Variants in PIK3C2A observed in about 807,000 individuals in gnomAD.
The protein encoded by PIK3C2A is phosphatidylinositol-4-phosphate 3-kinase catalytic subunit type 2 alpha.
A neutral mutation model predicts 204.5 loss-of-function variants in PIK3C2A; 97 were observed. The ratio of observed to expected loss-of-function variants is 0.47; its 90% CI spans 0.40 to 0.56. The LOEUF (loss-of-function observed/expected upper bound fraction) is 0.56, where lower values mean the gene tolerates loss of function less well. Ranked by LOEUF, PIK3C2A falls within the 20% of genes least tolerant of loss-of-function variation. PIK3C2A has a pLI of 0.00. For missense variants in PIK3C2A, 1,735 were observed against 1,969.2 expected, an observed-to-expected ratio of 0.88 and a Z score of 2.25; for synonymous variants, 653 against 664.4, an observed-to-expected ratio of 0.98 and a Z score of 0.26.
chr11:17,154,084 CGTGTGT>C (rs148115451), intron 3 of PIK3C2A, among the ~76,000 whole-genome samples: 1 of 150,864 alleles, frequency 6.6e-6, no homozygotes, highest in Non-Finnish European at 1.5e-5. Context: ...TAAGTGTGTG[CGTGTGT>C]GTGTGTGTGT....
intron 1 of PIK3C2A, among the ~76,000 whole-genome samples, chr11:17,198,254 T>C (rs1852231858): frequency 6.6e-6 from 1 of 151,790 alleles, no homozygotes; most frequent in South Asian, 2.1e-4. Context: ...GGATTACAGG[T>C]GCCCGCCACC....
At chr11:17,145,353 C>T (rs1004767426) in intron 8 of PIK3C2A, among the ~76,000 whole-genome samples, 18 of 151,892 alleles carry the variant, frequency 1.2e-4, no homozygotes, top group African/African-American at 4.4e-4. Flanking sequence ...GGGGTGGTTT[C>T]CCCCATGCTG....
intron 22 of PIK3C2A, among the ~76,000 whole-genome samples, chr11:17,106,149 T>C (rs555210326): frequency 3.4e-5 from 5 of 146,966 alleles, no homozygotes; most frequent in South Asian, 2.2e-4. Flanking sequence ...TGGTGGCTCA[T>C]ACCTGTAATT....
rs897203549 is a variant in PIK3C2A at position 17,087,776 on chromosome 11, G to A, written c.*1962C>T. On this transcript the variant is annotated 3_prime_UTR_variant, in exon 33 of 33. Transcript: ENST00000691414. ...CTTTAAGGAAATGTTAATGATCTGTGGAAAAAGCAAATGGTGGTGCTTTGA... is the reference window on the plus strand; with the variant it reads ...CTTTAAGGAAATGTTAATGATCTGTAGAAAAAGCAAATGGTGGTGCTTTGA... 2 of 152,058 alleles carry A rather than the reference G, an allele frequency of 1.3e-5. No individual in the cohort carries two copies. The highest frequency in any genetic ancestry group is 2.4e-5 in the African/African-American group (1 of 41,402). The allele number at this position is 152,058 out of a possible 1,614,324, so 9.4% of individuals were successfully genotyped here.
At chr11:17,147,808 AAAAG>A in intron 5 of PIK3C2A, among the ~76,000 whole-genome samples, 180 bp from the exon 6 acceptor site, 1 of 152,336 alleles carries the variant, frequency 6.6e-6, no homozygotes, top group Admixed American at 6.5e-5. Flanking sequence ...GTCAATGTAA[AAAAG>A]AAAGAAGATG....
chr11:17,150,708 G>A (rs1212737982), intron 3 of PIK3C2A, 53 bp from the exon 4 acceptor site: 3 of 1,381,746 alleles, frequency 2.2e-6, no homozygotes, highest in Non-Finnish European at 3.0e-6. Context: ...CTTCATTTGA[G>A]GGCTCTGAAC....
Position 17,169,567 on chromosome 11 carries a change from T to G in PIK3C2A, c.175A>C (p.Ser59Arg). ...ACCTGTGCTTTTTTTCTGGTGCTGCTTGACAACTCAAAGCCTCTCTGATTG... is the reference window on the plus strand; with the variant it reads ...ACCTGTGCTTTTTTTCTGGTGCTGCGTGACAACTCAAAGCCTCTCTGATTG... ...TDNQRGFELS[S>R]STRKKAQVYN... Residue 59 changes from serine to arginine, a missense_variant, in exon 2 of 33, where the codon AGC becomes CGC. By Grantham distance (110) the Ser-to-Arg change is moderately radical (BLOSUM62 -1). Coordinates refer to ENST00000691414, the MANE Select transcript of PIK3C2A (RefSeq NM_002645.4). 11 of 1,614,188 alleles carry G rather than the reference T, an allele frequency of 6.8e-6. No homozygotes were observed. The highest frequency in any genetic ancestry group is 9.3e-6 in the Non-Finnish European group (11 of 1,180,026).
intron 20 of PIK3C2A, 45 bp from the exon 21 acceptor site, chr11:17,112,711 G>T (rs762829470): frequency 7.8e-6 from 8 of 1,030,948 alleles, no homozygotes; most frequent in Non-Finnish European, 1.1e-5. Context: ...AATGAAAATG[G>T]ATTTAGAATT....
chr11:17,167,850 A>G (rs927677823), intron 2 of PIK3C2A, among the ~76,000 whole-genome samples: 1 of 152,188 alleles, frequency 6.6e-6, no homozygotes, highest in African/African-American at 2.4e-5. Context: ...CTGCAATGGT[A>G]ATATTTCATT....
In PIK3C2A at chr11:17,134,802, C is replaced by CT; in HGVS notation, c.2108+16dup. ...AGGTGCAAGCCACCATGCCTGGCTG[C>CT]TTAAACAGTTACTTACTTTGATACC... On this transcript the variant is annotated intron_variant, in intron 11 of 32. Transcript: ENST00000691414. 1 of 1,588,480 alleles carries CT rather than the reference C, an allele frequency of 6.3e-7. No homozygotes were observed. Among genetic ancestry groups the CT allele is most frequent in the East Asian group, 2.2e-5 (1 of 44,788 alleles).
chr11:17,121,865 T>C (rs1354558316), intron 15 of PIK3C2A, among the ~76,000 whole-genome samples: 1 of 152,026 alleles, frequency 6.6e-6, no homozygotes, highest in South Asian at 2.1e-4. Context: ...AATCTCTTGA[T>C]ATGTATTGTA....
chr11:17,111,951 A>G (rs887952746), intron 21 of PIK3C2A, among the ~76,000 whole-genome samples: 1 of 151,734 alleles, frequency 6.6e-6, no homozygotes, highest in East Asian at 1.9e-4. Context: ...TTCAAAACAG[A>G]TATTACTGGT....
intron 4 of PIK3C2A, 74 bp from the exon 5 acceptor site, chr11:17,148,861 G>C: frequency 1.6e-6 from 2 of 1,241,782 alleles, no homozygotes; most frequent in South Asian, 2.8e-5. Flanking sequence ...TATAATTTAA[G>C]ACAGCAGTAT....
At chr11:17,195,875 TA>T (rs1214903198) in intron 1 of PIK3C2A, among the ~76,000 whole-genome samples, 3 of 150,708 alleles carry the variant, frequency 2.0e-5, no homozygotes, top group Admixed American at 2.0e-4. Context: ...CCATCTTGAA[TA>T]AAAATACAAA....
chr11:17,112,781 A>AT (rs1849042454), intron 20 of PIK3C2A, 115 bp from the exon 21 acceptor site: 1 of 472,054 alleles, frequency 2.1e-6, no homozygotes, highest in Non-Finnish European at 3.8e-6. Context: ...TTTTAGATTT[A>AT]TTTTTTATTT....
intron 1 of PIK3C2A, among the ~76,000 whole-genome samples, chr11:17,187,326 G>A (rs1356517199): frequency 1.3e-5 from 2 of 152,094 alleles, no homozygotes; most frequent in East Asian, 1.9e-4. Flanking sequence ...CACAGGATAA[G>A]GACTGGAATA....
chr11:17,192,039 G>A (rs541856421), intron 1 of PIK3C2A, among the ~76,000 whole-genome samples: 21 of 152,098 alleles, frequency 1.4e-4, no homozygotes, highest in African/African-American at 4.8e-4. Flanking sequence ...CAGCTAGTCA[G>A]GAGGCTGAGG....
chr11:17,105,730 T>G (rs977048401), intron 22 of PIK3C2A, among the ~76,000 whole-genome samples: 2 of 152,200 alleles, frequency 1.3e-5, no homozygotes, highest in African/African-American at 2.4e-5. Context: ...ATGAACTCAT[T>G]CTTTTTATGG....
At chr11:17,147,446 TGAAAATTGGCAAA>T in intron 6 of PIK3C2A, 58 bp downstream of exon 6, 1 of 830,100 alleles carries the variant, frequency 1.2e-6, no homozygotes, top group Non-Finnish European at 2.0e-6. Context: ...ATGTACAAGT[TGAAAATTGGCAAA>T]TTAGCAGAAT....
Sources: gnomAD v4.1 joint callset for allele counts (sites outside exome capture counted in the v4.1 genomes callset) on GRCh38, gnomAD v4.1.1 for gene constraint, MANE v1.5 for transcripts, NCBI Gene and HGNC (gene_info 2026-07-23, HGNC 2026-07-21) for gene names.